The following ACSF3 variants were observed in gnomAD, a reference collection of about 807,000 sequenced individuals.
ACSF3 encodes acyl-CoA synthetase family member 3, also known as malonate--CoA ligase ACSF3, mitochondrial.
In ACSF3, 78 loss-of-function variants were observed where a neutral mutation model predicts 53.2. That is an observed-to-expected ratio of 1.47 (90% CI 1.22 to 1.77). The LOEUF is 1.77. ACSF3 is among the 40% of genes most tolerant of loss of function. The pLI, the probability that ACSF3 is intolerant of heterozygous loss-of-function variation, is 0.00. For missense variants in ACSF3, 937 were observed against 771.1 expected, an observed-to-expected ratio of 1.22 and a Z score of -2.55; for synonymous variants, 414 against 333.1, an observed-to-expected ratio of 1.24 and a Z score of -2.65.
rs544790192 is a variant in ACSF3, at chr16:89,111,941, G to T, written c.823-151G>T. On this transcript the variant is annotated intron_variant, in intron 4 of 10. Coordinates refer to ENST00000614302, the MANE Select transcript of ACSF3 (RefSeq NM_001243279.3). ...CCGCGCAACATGGCTTCTGTGGGAA[G>T]GGGTCAGAGTTTGAGGCACCCCTTT... is the stretch of plus-strand genomic sequence containing the variant. 3 of 553,828 alleles carry T rather than the reference G, an allele frequency of 5.4e-6. No homozygotes were observed. In the East Asian group the frequency reaches 1.2e-4, roughly 22 times the overall value. The allele number at this position is 553,828 out of a possible 1,614,324, so 34.3% of individuals were successfully genotyped here.
chr16:89,140,243 G>A (rs1223956323), intron 8 of ACSF3, among the ~76,000 whole-genome samples: 1 of 152,234 alleles, frequency 6.6e-6, no homozygotes, highest in Admixed American at 6.5e-5. Context: ...GCCTCAGTCT[G>A]TCCTCCCTGC....
At chr16:89,111,715 C>A (rs897435419) in intron 4 of ACSF3, among the ~76,000 whole-genome samples, 4 of 152,260 alleles carry the variant, frequency 2.6e-5, no homozygotes, top group South Asian at 4.1e-4. Flanking sequence ...TCACTGCATG[C>A]CTGTCCATAC....
intron 8 of ACSF3, among the ~76,000 whole-genome samples, chr16:89,140,005 G>A (rs563187916): frequency 2.0e-5 from 3 of 152,214 alleles, no homozygotes; most frequent in African/African-American, 4.8e-5. Context: ...CCGGGTGAGC[G>A]CTGAGCCCAG....
chr16:89,131,848 A>G (rs1349245814), intron 7 of ACSF3, among the ~76,000 whole-genome samples: 1 of 152,296 alleles, frequency 6.6e-6, no homozygotes, highest in Non-Finnish European at 1.5e-5. Context: ...AACAAACACA[A>G]GGCTCTGAGC....
At chr16:89,114,254 G>C in intron 5 of ACSF3, 85 bp from the exon 6 acceptor site, 1 of 1,590,556 alleles carries the variant, frequency 6.3e-7, no homozygotes. Context: ...AGCAAGGGCC[G>C]CCTCCTGAGG....
intron 1 of ACSF3, among the ~76,000 whole-genome samples, chr16:89,094,331 A>G (rs185581327): frequency 1.6e-4 from 24 of 152,236 alleles, no homozygotes; most frequent in Non-Finnish European, 2.9e-4. Context: ...ATTCACTTCC[A>G]TTTCTCATTG....
intron 7 of ACSF3, among the ~76,000 whole-genome samples, chr16:89,131,238 A>T (rs1248232424): frequency 1.0e-4 from 14 of 138,038 alleles, no homozygotes; most frequent in African/African-American, 3.6e-4. Context: ...CGATCCTCCT[A>T]CCTCAGCCTC....
rs549422298 is a variant in ACSF3 at position 89,136,720 on chromosome 16, C to A, written c.1366+3458C>A. 1.5e-3 allele frequency: 1,891 copies of A among 1,287,282 alleles called. 26 individuals are homozygous for A. The South Asian group carries it at 0.018, about 12-fold the overall frequency. 79.7% of individuals were successfully genotyped at this position (1,287,282 alleles called of 1,614,324 possible). ...TTTGATGCCAGCCGCTCCTGCCTCC[C>A]CCACCTGCCTCTGTGCCTACAGCCC... On this transcript the variant is annotated intron_variant, in intron 8 of 10. Coordinates refer to ENST00000614302, the MANE Select transcript of ACSF3 (RefSeq NM_001243279.3).
At chr16:89,130,147 A>C (rs1908981679) in intron 7 of ACSF3, among the ~76,000 whole-genome samples, 1 of 152,244 alleles carries the variant, frequency 6.6e-6, no homozygotes, top group Non-Finnish European at 1.5e-5. Context: ...GAATTCTTTT[A>C]GATCAGATCT....
intron 8 of ACSF3, among the ~76,000 whole-genome samples, chr16:89,133,754 G>C (rs1364124865): frequency 6.6e-6 from 1 of 152,238 alleles, no homozygotes; most frequent in African/African-American, 2.4e-5. Flanking sequence ...AGTGCGGTTG[G>C]TTTGCAGTGC....
chr16:89,107,456 C>T (rs1181800285), intron 4 of ACSF3, among the ~76,000 whole-genome samples: 1 of 152,170 alleles, frequency 6.6e-6, no homozygotes, highest in Non-Finnish European at 1.5e-5. Context: ...TCGGCACCAT[C>T]CTGCTACACG....
chr16:89,139,591 G>GTTT (rs56177880), intron 8 of ACSF3, among the ~76,000 whole-genome samples: 42 of 111,178 alleles, frequency 3.8e-4, no homozygotes, highest in African/African-American at 1.3e-3. Context: ...TTTTTTTTCT[G>GTTT]TTTTTTTTTT....
chr16:89,106,326 A>G (rs1018027782), intron 4 of ACSF3, among the ~76,000 whole-genome samples: 8 of 148,830 alleles, frequency 5.4e-5, no homozygotes, highest in African/African-American at 1.5e-4. Context: ...GGAGTCTCGC[A>G]CTGTTAGCCG....
chr16:89,118,104 G>GAATCAA (rs1905619760), intron 6 of ACSF3, among the ~76,000 whole-genome samples: 1 of 149,082 alleles, frequency 6.7e-6, no homozygotes, highest in African/African-American at 2.5e-5. Context: ...CTCTAAGGCA[G>GAATCAA]AGCCCACGGC....
At chr16:89,144,767 C>G (rs1230360742) in intron 8 of ACSF3, among the ~76,000 whole-genome samples, 1 of 152,184 alleles carries the variant, frequency 6.6e-6, no homozygotes, top group Non-Finnish European at 1.5e-5. Flanking sequence ...CACCCTGGCA[C>G]CCATCCTGAG....
At chr16:89,114,603 C>G in intron 6 of ACSF3, 116 bp downstream of exon 6, 3 of 1,489,990 alleles carry the variant, frequency 2.0e-6, no homozygotes, top group African/African-American at 1.4e-5. Context: ...GATGCTCCCC[C>G]GTGGGACAGG....
chr16:89,126,982 C>T (rs8056427), intron 7 of ACSF3, among the ~76,000 whole-genome samples: 143,576 of 152,256 alleles, frequency 0.94, 68,199 homozygotes, highest in Non-Finnish European at 0.98. Flanking sequence ...TTTCAAAAAG[C>T]TTTTCGGTAT....
At chr16:89,098,848 G>A (rs1299509262) in intron 2 of ACSF3, 85 bp downstream of exon 2, 5 of 448,270 alleles carry the variant, frequency 1.1e-5, no homozygotes, top group Non-Finnish European at 2.3e-5. Flanking sequence ...TGTGGTTGAG[G>A]CAAAATGCTG....
At chr16:89,151,666 G>A (rs1914105265) in intron 10 of ACSF3, 2 of 181,144 alleles carry the variant, frequency 1.1e-5, no homozygotes, top group South Asian at 2.3e-4. Flanking sequence ...GAGTGCAGTG[G>A]CACGATCTCC....
Sources: allele counts gnomAD v4.1 joint callset (sites outside exome capture counted in the v4.1 genomes callset), GRCh38; gene constraint gnomAD v4.1.1; transcripts MANE v1.5; gene names NCBI Gene and HGNC (gene_info 2026-07-23, HGNC 2026-07-21).